Variants in XYLT1 observed in about 807,000 individuals in gnomAD.
XYLT1 encodes the protein xylosyltransferase 1, also known as beta-D-xylosyltransferase 1.
Under a neutral mutation model 91.3 loss-of-function variants are expected in XYLT1, and 36 were observed. The ratio of observed to expected loss-of-function variants is 0.39; its 90% CI spans 0.30 to 0.52. The LOEUF is 0.52. Among genes scored for constraint, XYLT1 ranks in the 20% least tolerant of loss-of-function variants. The pLI is 0.68. For missense variants in XYLT1, 1,242 were observed against 1,284.5 expected (o/e 0.97, Z 0.51); for synonymous variants, 588 against 532.0 (o/e 1.11, Z -1.45).
chr16:17,151,308 C>A (rs898199894), intron 6 of XYLT1, among the ~76,000 whole-genome samples: 3 of 152,160 alleles, frequency 2.0e-5, no homozygotes, highest in African/African-American at 7.2e-5. Context: ...TGCCTGTAAT[C>A]CCAGCTACCT....
At chr16:17,341,788 T>A (rs1234361122) in intron 2 of XYLT1, among the ~76,000 whole-genome samples, 1 of 152,250 alleles carries the variant, frequency 6.6e-6, no homozygotes, top group Admixed American at 6.5e-5. Context: ...AGGTCCCGTA[T>A]GCTCTATCTC....
chr16:17,287,132 C>T (rs990611051), intron 2 of XYLT1, among the ~76,000 whole-genome samples: 9 of 152,074 alleles, frequency 5.9e-5, no homozygotes, highest in South Asian at 2.1e-4. Flanking sequence ...AACAAGCATA[C>T]GCAGAAACAC....
chr16:17,197,179 ACT>A (rs899731913), intron 5 of XYLT1, among the ~76,000 whole-genome samples: 5 of 151,228 alleles, frequency 3.3e-5, no homozygotes, highest in African/African-American at 1.2e-4. Flanking sequence ...CCCCTCACTT[ACT>A]CTGTTACAGC....
chr16:17,216,932 A>G (rs1044344920), intron 3 of XYLT1, among the ~76,000 whole-genome samples: 1 of 152,230 alleles, frequency 6.6e-6, no homozygotes, highest in Non-Finnish European at 1.5e-5. Context: ...GCAATAGTCA[A>G]CACAACATTT....
chr16:17,278,365 C>T (rs1015855159), intron 2 of XYLT1, among the ~76,000 whole-genome samples: 1 of 152,210 alleles, frequency 6.6e-6, no homozygotes, highest in Non-Finnish European at 1.5e-5. Flanking sequence ...CGGGCTGCTT[C>T]CCTTTGGACA....
At chr16:17,450,536 A>G (rs1171858692) in intron 1 of XYLT1, among the ~76,000 whole-genome samples, 1 of 152,194 alleles carries the variant, frequency 6.6e-6, no homozygotes, top group Non-Finnish European at 1.5e-5. Flanking sequence ...ATGTGCAATC[A>G]GGGCACAGGT....
At chr16:17,452,030 A>G (rs1042500966) in intron 1 of XYLT1, among the ~76,000 whole-genome samples, 3 of 152,180 alleles carry the variant, frequency 2.0e-5, no homozygotes, top group East Asian at 1.9e-4. Flanking sequence ...GCCCATCCTA[A>G]TAACATGAAA....
At chr16:17,140,763 G>A (rs551561123) in intron 7 of XYLT1, among the ~76,000 whole-genome samples, 3 of 151,668 alleles carry the variant, frequency 2.0e-5, no homozygotes, top group Non-Finnish European at 4.4e-5. Flanking sequence ...ACCTTTTAGG[G>A]GTGCCATCAG....
Position 17,141,372 on chromosome 16 carries a change from G to T in XYLT1, c.1371-3C>A. The T allele has an allele frequency of 6.2e-7, 1 of 1,613,472 alleles. No individual in the cohort carries two copies. The highest frequency in any genetic ancestry group is 8.5e-7 in the Non-Finnish European group (1 of 1,179,532). On this transcript the variant is annotated splice_region_variant and splice_polypyrimidine_tract_variant and intron_variant, in intron 6 of 11. Transcript: ENST00000261381. Reference sequence around the variant, plus strand: ...CCAGGCCCTGCTTCCGAATGAACCTGGGAGGGAGAAAGCTGCCCTTAGCCC... The same window carrying T: ...CCAGGCCCTGCTTCCGAATGAACCTTGGAGGGAGAAAGCTGCCCTTAGCCC...
intron 3 of XYLT1, among the ~76,000 whole-genome samples, chr16:17,219,755 G>A (rs2032932295): frequency 6.6e-6 from 1 of 152,128 alleles, no homozygotes; most frequent in Non-Finnish European, 1.5e-5. Flanking sequence ...ATTCTCCTGT[G>A]CAGTGGCTCA....
At chr16:17,299,582 G>A (rs774564290) in intron 2 of XYLT1, among the ~76,000 whole-genome samples, 4 of 152,146 alleles carry the variant, frequency 2.6e-5, no homozygotes, top group Admixed American at 6.6e-5. Flanking sequence ...CTTCCACCTC[G>A]CTTCTCTAGC....
chr16:17,409,256 A>G (rs962720502), intron 1 of XYLT1, among the ~76,000 whole-genome samples: 5 of 152,196 alleles, frequency 3.3e-5, no homozygotes, highest in Non-Finnish European at 5.9e-5. Context: ...GGGATTTGAG[A>G]GAGGCCGGCA....
chr16:17,316,914 T>G (rs1389026722), intron 2 of XYLT1, among the ~76,000 whole-genome samples: 1 of 150,022 alleles, frequency 6.7e-6, no homozygotes, highest in African/African-American at 2.5e-5. Context: ...CTCCGTCACC[T>G]GGGGTTCACG....
chr16:17,257,626 G>A (rs1337197546), intron 3 of XYLT1, among the ~76,000 whole-genome samples: 1 of 152,144 alleles, frequency 6.6e-6, no homozygotes, highest in African/African-American at 2.4e-5. Context: ...AATAAACAGC[G>A]ACCACGTGGC....
At chr16:17,233,432 C>A (rs963338349) in intron 3 of XYLT1, among the ~76,000 whole-genome samples, 3 of 152,204 alleles carry the variant, frequency 2.0e-5, no homozygotes, top group African/African-American at 7.2e-5. Flanking sequence ...CTTCTGACTG[C>A]GGAAGCGAGC....
At chr16:17,319,440 C>G (rs2034684146) in intron 2 of XYLT1, among the ~76,000 whole-genome samples, 1 of 151,604 alleles carries the variant, frequency 6.6e-6, no homozygotes, top group East Asian at 1.9e-4. Flanking sequence ...AAACAGAGAC[C>G]ATTCAGGAAT....
At chr16:17,448,278 T>C (rs548202532) in intron 1 of XYLT1, among the ~76,000 whole-genome samples, 4 of 152,164 alleles carry the variant, frequency 2.6e-5, no homozygotes, top group East Asian at 1.9e-4. Context: ...TGAGGCAGAA[T>C]TGCTTGAACC....
intron 1 of XYLT1, among the ~76,000 whole-genome samples, chr16:17,441,950 T>G (rs1245805276): frequency 1.3e-5 from 2 of 152,226 alleles, no homozygotes; most frequent in African/African-American, 2.4e-5. Context: ...AGTACCCAGA[T>G]AGTCAGTCAG....
intron 3 of XYLT1, among the ~76,000 whole-genome samples, chr16:17,256,481 T>C (rs1352644841): frequency 1.3e-5 from 2 of 151,866 alleles, no homozygotes; most frequent in Non-Finnish European, 2.9e-5. Flanking sequence ...TGAAACCCTG[T>C]CTCTACTAAA....
Sources: gnomAD v4.1 joint callset for allele counts (sites outside exome capture counted in the v4.1 genomes callset) on GRCh38, gnomAD v4.1.1 for gene constraint, MANE v1.5 for transcripts, NCBI Gene and HGNC (gene_info 2026-07-23, HGNC 2026-07-21) for gene names.